The following LEMD3 variants were observed in gnomAD, a reference collection of about 807,000 sequenced individuals.
LEMD3 encodes the protein inner nuclear membrane protein Man1.
Under a neutral mutation model 95.2 loss-of-function variants are expected in LEMD3, and 33 were observed. That is an observed-to-expected ratio of 0.35 (90% CI 0.26 to 0.46). The LOEUF is 0.46. LEMD3 is among the 20% of genes least tolerant of loss of function. The pLI, the probability that LEMD3 is intolerant of heterozygous loss-of-function variation, is 1.00. For synonymous variants in LEMD3, 525 were observed against 474.6 expected (o/e 1.11, Z -1.38); for missense variants, 1,210 against 1,192.8 (o/e 1.01, Z -0.21).
chr12:65,209,272 A>G lies in LEMD3; in HGVS notation c.1523-1654A>G, dbSNP rs139400257. 1.9e-3 allele frequency among the ~76,000 whole-genome samples: 288 copies of G among 152,240 alleles called. 5 individuals carry two copies. The highest frequency in any genetic ancestry group is 3.2e-3 in the Non-Finnish European group (219 of 67,982). ...GCTGATTTTCCATTTGATAGTCTTG[A>G]CAAAAAGTAATTTTGTGTATAATCA... On this transcript the variant is annotated intron_variant, in intron 1 of 12. Transcript: ENST00000308330.
chr12:65,216,148 T>C, intron 3 of LEMD3, 105 bp downstream of exon 3: 1 of 770,392 alleles, frequency 1.3e-6, no homozygotes. Context: ...ATTTGTGAAA[T>C]ATTTTTCTTT....
rs2136335866 is a variant in LEMD3 at position 65,210,958 on chromosome 12, A to G, written c.1555A>G (p.Ile519Val). Residue 519 changes from isoleucine to valine, a missense_variant, in exon 2 of 13, where the codon ATA (isoleucine) becomes GTA (valine). Transcript: ENST00000308330. ...ENPFGETFGK[I>V]QESEKTLMMN... Reference sequence around the variant, plus strand: ...CCCCTTTGGTGAAACATTTGGAAAAATACAAGTAAGTAAACGATCATAATA... The same window carrying G: ...CCCCTTTGGTGAAACATTTGGAAAAGTACAAGTAAGTAAACGATCATAATA... 1.3e-6 allele frequency: 2 copies of G among 1,590,832 alleles called. No homozygotes were observed.
intron 4 of LEMD3, among the ~76,000 whole-genome samples, chr12:65,235,241 C>G (rs1383576110): frequency 6.6e-6 from 1 of 152,018 alleles, no homozygotes; most frequent in East Asian, 1.9e-4. Flanking sequence ...CACTGATAAC[C>G]TATATTAATC....
chr12:65,245,784 CTT>C lies in LEMD3; in HGVS notation c.2493+13_2493+14del. 6.2e-7 allele frequency: 1 copy of C among 1,608,196 alleles called. No homozygotes were observed. Among genetic ancestry groups the C allele is most frequent in the African/African-American group, 1.3e-5 (1 of 74,854 alleles). ...CAAAAATTCACGTGAGGTAAAGTAA[CTT>C]TTGGTATTGAATTTCATGTTTTGGA... On this transcript the variant is annotated intron_variant, in intron 11 of 12. Transcript: ENST00000308330.
intron 4 of LEMD3, among the ~76,000 whole-genome samples, chr12:65,235,560 T>A (rs566719987): frequency 6.6e-6 from 1 of 152,214 alleles, no homozygotes; most frequent in South Asian, 2.1e-4. Context: ...ATACAGATTT[T>A]AAAAATACAG....
At chr12:65,240,532 T>G (rs1439427915) in intron 8 of LEMD3, 1 of 430,530 alleles carries the variant, frequency 2.3e-6, no homozygotes, top group Non-Finnish European at 4.1e-6. Flanking sequence ...AAGAAATAGA[T>G]GACAGCCAGT....
At chr12:65,203,287 C>T (rs964275059) in intron 1 of LEMD3, among the ~76,000 whole-genome samples, 8 of 152,120 alleles carry the variant, frequency 5.3e-5, no homozygotes, top group African/African-American at 1.9e-4. Flanking sequence ...TAATGGAACA[C>T]TAGACATTAA....
chr12:65,243,394 A>T lies in LEMD3; in HGVS notation c.2312A>T (p.His771Leu). The T allele has an allele frequency of 6.3e-7, 1 of 1,581,596 alleles. No individual in the cohort carries two copies. The highest frequency in any genetic ancestry group is 1.1e-5 in the South Asian group (1 of 90,414). ...PSKVWQGQAF[H>L]LDRRNSPPNS... ...ACTAACTTGTTTTTTGTAGCATTTC[A>T]TTTAGATAGAAGAAATTCACCACCA... is the stretch of plus-strand genomic sequence containing the variant. Residue 771 changes from histidine to leucine, a missense_variant, in exon 10 of 13, where the codon CAT (histidine) becomes CTT (leucine). Physicochemically the swap from His to Leu is moderately conservative, Grantham distance 99 (BLOSUM62 -3). Coordinates refer to ENST00000308330, the MANE Select transcript of LEMD3 (RefSeq NM_014319.5).
intron 4 of LEMD3, among the ~76,000 whole-genome samples, chr12:65,232,400 A>G (rs1388068613): frequency 6.6e-6 from 1 of 152,176 alleles, no homozygotes; most frequent in Non-Finnish European, 1.5e-5. Flanking sequence ...AGTGTAAGCT[A>G]ATTTTTTCAC....
chr12:65,213,360 G>A (rs775557262), intron 2 of LEMD3, among the ~76,000 whole-genome samples: 2 of 151,932 alleles, frequency 1.3e-5, no homozygotes, highest in Admixed American at 6.6e-5. Context: ...TGAGGAGCTG[G>A]GACTACAGGT....
intron 1 of LEMD3, among the ~76,000 whole-genome samples, chr12:65,206,485 TTA>T (rs1869768309): frequency 6.6e-6 from 1 of 152,186 alleles, no homozygotes; most frequent in African/African-American, 2.4e-5. Flanking sequence ...AGTAGGCACT[TTA>T]TATGTTTGCG....
Position 65,181,568 on chromosome 12 carries a change from T to C in LEMD3, c.1522+10450T>C, listed in dbSNP as rs546896972. On this transcript the variant is annotated intron_variant, in intron 1 of 12. Coordinates refer to ENST00000308330, the MANE Select transcript of LEMD3 (RefSeq NM_014319.5). Reference sequence around the variant, plus strand: ...GAAACATACTTTAAAAATTAGTTTCTGTAAATTTGAGTATACCATCTGGTA... The same window carrying C: ...GAAACATACTTTAAAAATTAGTTTCCGTAAATTTGAGTATACCATCTGGTA... Among the ~76,000 whole-genome samples the C allele has an allele frequency of 2.0e-5, 3 of 152,298 alleles. No homozygotes were observed. In the East Asian group the frequency reaches 5.8e-4, roughly 29 times the overall value.
chr12:65,205,361 T>A (rs1869731606), intron 1 of LEMD3, among the ~76,000 whole-genome samples: 1 of 152,146 alleles, frequency 6.6e-6, no homozygotes, highest in South Asian at 2.1e-4. Context: ...GACTTTCAGA[T>A]GATTACAAGG....
At chr12:65,196,646 T>C (rs569078383) in intron 1 of LEMD3, among the ~76,000 whole-genome samples, 4 of 152,220 alleles carry the variant, frequency 2.6e-5, no homozygotes, top group African/African-American at 7.2e-5. Context: ...CAATATAGTC[T>C]CTGTCATGAC....
chr12:65,196,684 C>T (rs1869442100), intron 1 of LEMD3, among the ~76,000 whole-genome samples: 1 of 151,316 alleles, frequency 6.6e-6, no homozygotes, highest in Non-Finnish European at 1.5e-5. Context: ...ATCGGAAATG[C>T]TCATAGTCAA....
In LEMD3 at chr12:65,170,596, C is replaced by G. The variant is rs147262660; in HGVS notation, c.1000C>G (p.Leu334Val). 2.8e-5 allele frequency: 46 copies of G among 1,614,050 alleles called. No individual in the cohort carries two copies. Among genetic ancestry groups the G allele is most frequent in the Non-Finnish European group, 3.8e-5 (45 of 1,179,974 alleles). The change falls in exon 1 of 13, where the codon CTC (leucine) becomes GTC (valine). Residue 334 changes from leucine to valine, a missense_variant. Physicochemically the swap from Leu to Val is conservative, Grantham distance 32. Around this residue, in one of 2 missense-constraint regions of LEMD3, gnomAD observed 749 missense variants for 622.9 expected, o/e 1.20. Transcript: ENST00000308330. The stretch of plus-strand genomic sequence containing the variant: ...CGGGAGTCTAGACAGGAGCCGAAAC[C>G]TCGAAGAGGCGGCGGCCGCGGAGCA... ...AAGSLDRSRNLEEAAAAEQGG... is the reference protein window; with the variant it reads ...AAGSLDRSRNVEEAAAAEQGG...
chr12:65,184,940 C>T (rs1410277725), intron 1 of LEMD3, among the ~76,000 whole-genome samples: 2 of 152,098 alleles, frequency 1.3e-5, no homozygotes, highest in Non-Finnish European at 2.9e-5. Flanking sequence ...TCTCTCTTTA[C>T]TAAGTTCCAA....
At chr12:65,211,984 C>G (rs1486992952) in intron 2 of LEMD3, among the ~76,000 whole-genome samples, 2 of 152,178 alleles carry the variant, frequency 1.3e-5, no homozygotes, top group African/African-American at 4.8e-5. Context: ...TTAGTCTGTT[C>G]TCATGCTGCT....
At position 65,218,554 on chromosome 12, in the gene LEMD3, G is replaced by A; in HGVS notation, c.1630G>A (p.Asp544Asn). 1 of 1,598,660 alleles carries A rather than the reference G, an allele frequency of 6.3e-7. No individual in the cohort carries two copies. ...LHDRLAQLAG[D>N]HECGSSSQRT... ...TAATAATATGCTAATCTTTCCAGGA[G>A]ATCATGAATGTGGCAGTTCTAGTCA... Residue 544 changes from aspartate (D) to asparagine (N), a missense_variant and splice_region_variant, in exon 4 of 13, where the codon GAT becomes AAT. This residue lies in a region of LEMD3 where 461 missense variants were observed against 569.8 expected (regional missense o/e 0.81). Coordinates refer to ENST00000308330, the MANE Select transcript of LEMD3 (RefSeq NM_014319.5).
Sources: allele counts gnomAD v4.1 joint callset (sites outside exome capture counted in the v4.1 genomes callset), GRCh38; gene constraint gnomAD v4.1.1; regional missense constraint gnomAD v4.1.1; transcripts MANE v1.5; gene names NCBI Gene and HGNC (gene_info 2026-07-23, HGNC 2026-07-21).